Variants in FBXW7 observed in about 807,000 individuals in gnomAD.
The protein encoded by FBXW7 is F-box/WD repeat-containing protein 7.
FBXW7 carries 11 observed loss-of-function variants against 86.3 expected under a neutral mutation model. The observed-to-expected ratio is 0.13, with a 90% CI of 0.08 to 0.21. FBXW7 has a LOEUF of 0.21. Among genes scored for constraint, FBXW7 ranks in the 10% least tolerant of loss-of-function variants. The pLI, the probability that FBXW7 is intolerant of heterozygous loss-of-function variation, is 1.00. For synonymous variants in FBXW7, 313 were observed against 297.9 expected, an observed-to-expected ratio of 1.05 and a Z score of -0.52; for missense variants, 488 against 847.4, an observed-to-expected ratio of 0.58 and a Z score of 5.27.
At chr4:152,359,911 T>C (rs1307092045) in intron 4 of FBXW7, among the ~76,000 whole-genome samples, 2 of 152,316 alleles carry the variant, frequency 1.3e-5, no homozygotes, top group African/African-American at 2.4e-5. Context: ...GTCTTGCTTC[T>C]GTGTTTAAAA....
chr4:152,411,118 C>A, intron 4 of FBXW7, 185 bp downstream of exon 4: 2 of 996,520 alleles, frequency 2.0e-6, no homozygotes, highest in Non-Finnish European at 1.4e-6. Context: ...TCAGATTGTC[C>A]CATTATCAGT....
At chr4:152,350,233 G>A in intron 4 of FBXW7, 109 bp from the exon 5 acceptor site, 1 of 504,508 alleles carries the variant, frequency 2.0e-6, no homozygotes, top group Middle Eastern at 5.4e-4. Context: ...TGCCTACAAT[G>A]TTAATTAAAT....
At chr4:152,378,002 T>C (rs1343294489) in intron 4 of FBXW7, among the ~76,000 whole-genome samples, 2 of 152,110 alleles carry the variant, frequency 1.3e-5, no homozygotes, top group South Asian at 2.1e-4. Context: ...ATAAATAACA[T>C]TTTATTAAAA....
At chr4:152,533,250 A>C (rs1251554477) in intron 2 of FBXW7, among the ~76,000 whole-genome samples, 2 of 152,126 alleles carry the variant, frequency 1.3e-5, no homozygotes. Context: ...TAGGTCCTAA[A>C]GTTAGTAAGC....
intron 2 of FBXW7, among the ~76,000 whole-genome samples, chr4:152,446,732 T>A (rs991681485): frequency 6.6e-6 from 1 of 152,188 alleles, no homozygotes; most frequent in Non-Finnish European, 1.5e-5. Context: ...CACTCTGGTG[T>A]TTACTTCCTC....
chr4:152,383,362 T>A (rs1177520634), intron 4 of FBXW7, among the ~76,000 whole-genome samples: 1 of 152,122 alleles, frequency 6.6e-6, no homozygotes, highest in Non-Finnish European at 1.5e-5. Context: ...CTCCACGGCC[T>A]AAGATAAAGT....
chr4:152,516,595 T>C (rs1182619760), intron 2 of FBXW7, among the ~76,000 whole-genome samples: 1 of 152,218 alleles, frequency 6.6e-6, no homozygotes, highest in Non-Finnish European at 1.5e-5. Flanking sequence ...GTTTATATTA[T>C]TTCTCTTAAA....
At chr4:152,326,332 AGCTT>A in intron 11 of FBXW7, 101 bp from the exon 12 acceptor site, 1 of 717,474 alleles carries the variant, frequency 1.4e-6, no homozygotes. Flanking sequence ...AAGGTTTTTT[AGCTT>A]TTTTTTTTTT....
intron 4 of FBXW7, among the ~76,000 whole-genome samples, chr4:152,376,251 T>C (rs1361831711): frequency 2.0e-5 from 3 of 152,072 alleles, no homozygotes; most frequent in Non-Finnish European, 4.4e-5. Context: ...ACTCAGACTT[T>C]GGAGGATATT....
intron 6 of FBXW7, among the ~76,000 whole-genome samples, chr4:152,342,598 G>A (rs1224312546): frequency 6.6e-6 from 1 of 152,194 alleles, no homozygotes; most frequent in Non-Finnish European, 1.5e-5. Context: ...GGGTAGTACT[G>A]CACCTGAATT....
At chr4:152,447,891 T>C (rs1419612926) in intron 2 of FBXW7, among the ~76,000 whole-genome samples, 1 of 152,214 alleles carries the variant, frequency 6.6e-6, no homozygotes, top group East Asian at 1.9e-4. Flanking sequence ...ACAGCATAGT[T>C]ACCAATAACT....
intron 2 of FBXW7, among the ~76,000 whole-genome samples, chr4:152,471,190 GA>G (rs139335427): frequency 3.3e-5 from 5 of 149,878 alleles, no homozygotes; most frequent in Admixed American, 2.7e-4. Flanking sequence ...GAAAAGGTGG[GA>G]AAAAAAATAA....
At chr4:152,345,522 C>T (rs1731178920) in intron 6 of FBXW7, among the ~76,000 whole-genome samples, 1 of 152,010 alleles carries the variant, frequency 6.6e-6, no homozygotes, top group African/African-American at 2.4e-5. Context: ...TGTATTGCCT[C>T]TACTTACTAG....
intron 2 of FBXW7, among the ~76,000 whole-genome samples, chr4:152,414,086 A>G (rs1467248322): frequency 2.0e-5 from 3 of 152,160 alleles, no homozygotes; most frequent in African/African-American, 7.2e-5. Context: ...ATCAATGCAT[A>G]ACCTTTTTTA....
chr4:152,369,651 A>G (rs1733832555), intron 4 of FBXW7, among the ~76,000 whole-genome samples: 1 of 152,090 alleles, frequency 6.6e-6, no homozygotes, highest in South Asian at 2.1e-4. Flanking sequence ...CGGTAATCTC[A>G]GTTTTGTTCA....
At chr4:152,415,668 A>G (rs1199810727) in intron 2 of FBXW7, among the ~76,000 whole-genome samples, 5 of 152,084 alleles carry the variant, frequency 3.3e-5, no homozygotes, top group Admixed American at 2.0e-4. Flanking sequence ...GTAAAAGCCA[A>G]TGTCTTTTAT....
chr4:152,369,025 T>A (rs1733745781), intron 4 of FBXW7, among the ~76,000 whole-genome samples: 1 of 152,114 alleles, frequency 6.6e-6, no homozygotes, highest in African/African-American at 2.4e-5. Context: ...CTCAGGAAAC[T>A]GTTTAAGAAA....
At chr4:152,328,497 T>A (rs1729262054) in intron 10 of FBXW7, 108 bp from the exon 11 acceptor site, 2 of 692,846 alleles carry the variant, frequency 2.9e-6, no homozygotes, top group African/African-American at 1.9e-5. Context: ...TTAATTTGTT[T>A]GGCTCTTCAG....
intron 2 of FBXW7, among the ~76,000 whole-genome samples, chr4:152,440,835 G>T (rs1335209863): frequency 6.6e-6 from 1 of 152,018 alleles, no homozygotes; most frequent in African/African-American, 2.4e-5. Flanking sequence ...TTTGGACCCT[G>T]ACTGTTCACA....
Sources: gnomAD v4.1 joint callset for allele counts (sites outside exome capture counted in the v4.1 genomes callset) on GRCh38, gnomAD v4.1.1 for gene constraint, MANE v1.5 for transcripts, NCBI Gene and HGNC (gene_info 2026-07-23, HGNC 2026-07-21) for gene names.